ELOA2: variants seen among roughly 807,000 people sequenced by gnomAD.
ELOA2 encodes elongin-A2.
For missense variants in ELOA2, 1,271 were observed against 979.7 expected, an observed-to-expected ratio of 1.30 and a Z score of -3.97; for synonymous variants, 497 against 398.8, an observed-to-expected ratio of 1.25 and a Z score of -2.94.
chr18:47,034,217 TC>T, the ELOA2 span: 1 of 1,613,756 alleles, frequency 6.2e-7, no homozygotes. Context: ...GTCGGTGGCT[TC>T]CCCTCTTGAG....
chr18:47,034,589 C>G lies in ELOA2; in HGVS notation c.676G>C (p.Gly226Arg). Reference sequence around the variant, plus strand: ...TTTTCCTGGCGAGACGATTTGTGCCCCTTGCTGTGGCTCACAACGGCTTTC... The same window carrying G: ...TTTTCCTGGCGAGACGATTTGTGCCGCTTGCTGTGGCTCACAACGGCTTTC... ...QGKAVVSHSKGHKSSRQEKRP... is the reference protein window; with the variant it reads ...QGKAVVSHSKRHKSSRQEKRP... Residue 226 changes from glycine (G) to arginine (R), a missense_variant, in exon 1 of 1, where the codon GGG becomes CGG. Gly to Arg is a moderately radical substitution (Grantham distance 125, BLOSUM62 -2). Coordinates refer to ENST00000332567, the MANE Select transcript of ELOA2 (RefSeq NM_016427.3). 1 of 1,614,170 alleles carries G rather than the reference C, an allele frequency of 6.2e-7. No homozygotes were observed. Among genetic ancestry groups the G allele is most frequent in the Non-Finnish European group, 8.5e-7 (1 of 1,179,994 alleles).
rs773529308 is a variant in ELOA2, at chr18:47,034,302, G to T, written c.963C>A (p.Asp321Glu). The T allele has an allele frequency of 2.5e-6, 4 of 1,613,258 alleles. No homozygotes were observed. The highest frequency in any genetic ancestry group is 3.4e-6 in the Non-Finnish European group (4 of 1,179,370). The change falls in exon 1 of 1, where the codon GAC becomes GAA. Residue 321 changes from aspartate to glutamate, a missense_variant. Physicochemically the swap from Asp to Glu is conservative, Grantham distance 45 (BLOSUM62 2). Coordinates refer to ENST00000332567, the MANE Select transcript of ELOA2 (RefSeq NM_016427.3). ...GTGTCCCATTTCCTGGGTCCCGGCC[G>T]TCTAGACTGGGCCTCTTCTTGTTCG... is the stretch of plus-strand genomic sequence containing the variant. ...SHSNKKRPSL[D>E]GRDPGNGTHG...
Position 47,034,198 on chromosome 18 carries a change from A to G in ELOA2, c.1067T>C (p.Leu356Ser), listed in dbSNP as rs374300131. 6.2e-7 allele frequency: 1 copy of G among 1,613,926 alleles called. No homozygotes were observed. Among genetic ancestry groups the G allele is most frequent in the African/African-American group, 1.3e-5 (1 of 75,062 alleles). The change falls in exon 1 of 1, where the codon TTG (leucine) becomes TCG (serine). Residue 356 changes from leucine (L) to serine (S), a missense_variant. Transcript: ENST00000332567. ...TQEGKPPTAH[L>S]DRTSVSSLSE... Reference sequence around the variant, plus strand: ...GAGGGAGCTCACGGACGTTCTGTCCAAATGAGCAGTCGGTGGCTTCCCCTC... The same window carrying G: ...GAGGGAGCTCACGGACGTTCTGTCCGAATGAGCAGTCGGTGGCTTCCCCTC...
rs372395366 is a variant in ELOA2, at chr18:47,035,150, T to C, written c.115A>G (p.Met39Val). Residue 39 changes from methionine (M) to valine (V), a missense_variant, in exon 1 of 1, where the codon ATG (methionine) becomes GTG (valine). Physicochemically the swap from Met to Val is conservative, Grantham distance 21. Transcript: ENST00000332567. ...GTCTCCGCCAGGATGTCTGCCGTCA[T>C]GGGCAAGGCGGAGAGTTTCTGCAAA... ...KYLQKLSALPMTADILAETGI... is the reference protein window; with the variant it reads ...KYLQKLSALPVTADILAETGI... 74 of 1,611,866 alleles carry C rather than the reference T, an allele frequency of 4.6e-5. No individual in the cohort carries two copies. The highest frequency in any genetic ancestry group is 6.2e-5 in the Non-Finnish European group (73 of 1,179,812).
chr18:47,035,245 G>C lies in ELOA2; in HGVS notation c.20C>G (p.Thr7Arg), dbSNP rs572647337. ...CTGCAGCTTCTCCACTGCGTGCAGCGTAGTGGACCCTGCCGCCATCTCACC... is the reference window on the plus strand; with the variant it reads ...CTGCAGCTTCTCCACTGCGTGCAGCCTAGTGGACCCTGCCGCCATCTCACC... Reference protein sequence around the residue: MAAGSTTLHAVEKLQVR... With the variant: MAAGSTRLHAVEKLQVR... Residue 7 changes from threonine (T) to arginine (R), a missense_variant, in exon 1 of 1, where the codon ACG becomes AGG. Physicochemically the swap from Thr to Arg is moderately conservative, Grantham distance 71. Coordinates refer to ENST00000332567, the MANE Select transcript of ELOA2 (RefSeq NM_016427.3). The C allele has an allele frequency of 8.7e-6, 14 of 1,612,808 alleles. No homozygotes were observed. The highest frequency in any genetic ancestry group is 7.7e-5 in the South Asian group (7 of 91,012).
In ELOA2 at chr18:47,035,290, T is replaced by C. The variant is rs1217676460; in HGVS notation, c.-26A>G. On this transcript the variant is annotated 5_prime_UTR_variant, in exon 1 of 1. Transcript: ENST00000332567. Reference sequence around the variant, plus strand: ...CTCACCAGAGCTGTGCAGGCGTCGCTGTCCCGGCGGTCGCAGCTCTGTCTT... The same window carrying C: ...CTCACCAGAGCTGTGCAGGCGTCGCCGTCCCGGCGGTCGCAGCTCTGTCTT... 6.2e-7 allele frequency: 1 copy of C among 1,611,874 alleles called. No individual in the cohort carries two copies. The highest frequency in any genetic ancestry group is 1.7e-5 in the Admixed American group (1 of 59,980).
In ELOA2 at chr18:47,033,228, C is replaced by T. The variant is rs2060570078; in HGVS notation, c.2037G>A (p.Ala679=). 1 of 1,613,880 alleles carries T rather than the reference C, an allele frequency of 6.2e-7. No individual in the cohort carries two copies. Among genetic ancestry groups the T allele is most frequent in the Non-Finnish European group, 8.5e-7 (1 of 1,180,012 alleles). The change falls in exon 1 of 1, where the codon GCG becomes GCA. Residue 679 remains alanine, a synonymous_variant. Coordinates refer to ENST00000332567, the MANE Select transcript of ELOA2 (RefSeq NM_016427.3). Reference sequence around the variant, plus strand: ...GGCTGGAGGGAGTGTGGCTGCTTCCCGCGGGCTTGGAGGCTGGCTTGATCT... The same window carrying T: ...GGCTGGAGGGAGTGTGGCTGCTTCCTGCGGGCTTGGAGGCTGGCTTGATCT... The part of the protein sequence containing the change: ...NGEIKPASKP[A]GSSHTPSSQS...
In ELOA2 at chr18:47,033,074, C is replaced by T. The variant is rs145144237; in HGVS notation, c.2191G>A (p.Ala731Thr). Residue 731 changes from alanine to threonine, a missense_variant, in exon 1 of 1, where the codon GCT becomes ACT. Physicochemically the swap from Ala to Thr is moderately conservative, Grantham distance 58 (BLOSUM62 0). Transcript: ENST00000332567. Reference sequence around the variant, plus strand: ...ATCAGCGGGGCCACTTTCTTGGCAGCCTGTTTCCGGGTTTTGGCCGCGGGC... The same window carrying T: ...ATCAGCGGGGCCACTTTCTTGGCAGTCTGTTTCCGGGTTTTGGCCGCGGGC... ...AAPAAKTRKQAAKKVAPLMAK... is the reference protein window; with the variant it reads ...AAPAAKTRKQTAKKVAPLMAK... 14 of 1,614,132 alleles carry T rather than the reference C, an allele frequency of 8.7e-6. No homozygotes were observed. Among genetic ancestry groups the T allele is most frequent in the Non-Finnish European group, 1.2e-5 (14 of 1,180,034 alleles).
Position 47,035,466 on chromosome 18 carries a change from TGAGCAGG to T in ELOA2, c.-209_-203del, listed in dbSNP as rs1341520786. The T allele has an allele frequency of 1.0e-4, 114 of 1,125,922 alleles. 1 individual carries two copies. The African/African-American group carries it at 1.3e-3, about 13-fold the overall frequency. The allele number at this position is 1,125,922 out of a possible 1,614,324, so 69.7% of individuals were successfully genotyped here. A position where few individuals can be genotyped will look rare whatever the true frequency, so the allele number is the denominator to read the frequency against. ...TGGAACGGCCGTCCTTGCAGACAGC[TGAGCAGG>T]CCCGCTTTTGTTCCTCGGGATGTGG... On this transcript the variant is annotated 5_prime_UTR_variant, in exon 1 of 1. The change abolishes the stop of an existing upstream ORF in the 5' untranslated region. Transcript: ENST00000332567.
At position 47,035,279 on chromosome 18, in the gene ELOA2, G is replaced by A. The variant is rs1001901417; in HGVS notation, c.-15C>T. The A allele has an allele frequency of 6.2e-7, 1 of 1,612,410 alleles. No homozygotes were observed. The highest frequency in any genetic ancestry group is 2.2e-5 in the East Asian group (1 of 44,872). Reference sequence around the variant, plus strand: ...CCTGCCGCCATCTCACCAGAGCTGTGCAGGCGTCGCTGTCCCGGCGGTCGC... The same window carrying A: ...CCTGCCGCCATCTCACCAGAGCTGTACAGGCGTCGCTGTCCCGGCGGTCGC... On this transcript the variant is annotated 5_prime_UTR_variant, in exon 1 of 1. Transcript: ENST00000332567.
In ELOA2 at chr18:47,035,185, A is replaced by G. The variant is rs1422576297; in HGVS notation, c.80T>C (p.Leu27Pro). ...GGAGAGTTTCTGCAAATATTTCTCT[A>G]GCTTTTTCGGCTCCGTCTTAGTGGC... ...RLATKTEPKKLEKYLQKLSAL... is the reference protein window; with the variant it reads ...RLATKTEPKKPEKYLQKLSAL... Residue 27 changes from leucine to proline, a missense_variant, in exon 1 of 1, where the codon CTA becomes CCA. Physicochemically the swap from Leu to Pro is moderately conservative, Grantham distance 98. Coordinates refer to ENST00000332567, the MANE Select transcript of ELOA2 (RefSeq NM_016427.3). 1.2e-6 allele frequency: 2 copies of G among 1,612,188 alleles called. No homozygotes were observed. The highest frequency in any genetic ancestry group is 1.7e-6 in the Non-Finnish European group (2 of 1,179,848).
In ELOA2 at chr18:47,033,995, A is replaced by T; in HGVS notation, c.1270T>A (p.Trp424Arg). The stretch of plus-strand genomic sequence containing the variant: ...GGAGGCAATTTCTTAGCCGAATCCC[A>T]GGACTCACGAGTGCCCTTGGATTCG... ...ANESKGTRESWDSAKKLPPVQ... is the reference protein window; with the variant it reads ...ANESKGTRESRDSAKKLPPVQ... The change falls in exon 1 of 1, where the codon TGG (tryptophan) becomes AGG (arginine). Residue 424 changes from tryptophan (W) to arginine (R), a missense_variant. By Grantham distance (101) the Trp-to-Arg change is moderately radical. Transcript: ENST00000332567. The T allele has an allele frequency of 6.2e-7, 1 of 1,613,874 alleles. No individual in the cohort carries two copies.
rs749992275 is a variant in ELOA2 at position 47,034,794 on chromosome 18, G to A, written c.471C>T (p.Cys157=). 4 of 1,612,414 alleles carry A rather than the reference G, an allele frequency of 2.5e-6. No individual in the cohort carries two copies. The highest frequency in any genetic ancestry group is 2.0e-4 in the Middle Eastern group (1 of 4,916). The part of the protein sequence containing the change: ...HSREPRAERK[C]PRIAPADSGR... ...CGGAATCAGCTGGGGCTATTCTGGGGCACTTTCTCTCAGCTCTGGGCTCGC... is the reference window on the plus strand; with the variant it reads ...CGGAATCAGCTGGGGCTATTCTGGGACACTTTCTCTCAGCTCTGGGCTCGC... Residue 157 remains cysteine (C), a synonymous_variant, in exon 1 of 1, where the codon TGC becomes TGT. Coordinates refer to ENST00000332567, the MANE Select transcript of ELOA2 (RefSeq NM_016427.3).
In ELOA2 at chr18:47,033,982, T is replaced by G. The variant is rs755483790; in HGVS notation, c.1283A>C (p.Lys428Thr). 14 of 1,613,616 alleles carry G rather than the reference T, an allele frequency of 8.7e-6. No individual in the cohort carries two copies. The highest frequency in any genetic ancestry group is 1.2e-5 in the Non-Finnish European group (14 of 1,180,034). Residue 428 changes from lysine (K) to threonine (T), a missense_variant, in exon 1 of 1, where the codon AAG (lysine) becomes ACG (threonine). Coordinates refer to ENST00000332567, the MANE Select transcript of ELOA2 (RefSeq NM_016427.3). Reference protein sequence around the residue: ...KGTRESWDSAKKLPPVQESQS... With the variant: ...KGTRESWDSATKLPPVQESQS... The stretch of plus-strand genomic sequence containing the variant: ...GCTTTCCTGGACAGGAGGCAATTTC[T>G]TAGCCGAATCCCAGGACTCACGAGT...
In ELOA2 at chr18:47,032,757, A is replaced by G. The variant is rs1396479350; in HGVS notation, c.*246T>C. ...TTTAAAAATTATCAGTGAACATCCA[A>G]AATAGAATTGTTCCCAATGCGTTCA... On this transcript the variant is annotated 3_prime_UTR_variant, in exon 1 of 1. Transcript: ENST00000332567. 4.6e-6 allele frequency: 3 copies of G among 653,188 alleles called. No homozygotes were observed. In the African/African-American group the frequency reaches 5.5e-5, roughly 12 times the overall value. The allele number at this position is 653,188 out of a possible 1,614,324, so 40.5% of individuals were successfully genotyped here.
rs142263566 is a variant in ELOA2 at position 47,034,765 on chromosome 18, C to G, written c.500G>C (p.Arg167Pro). The G allele has an allele frequency of 1.3e-3, 2,119 of 1,605,842 alleles. 58 individuals are homozygous for G. The highest frequency in any genetic ancestry group is 1.7e-3 in the Non-Finnish European group (1,980 of 1,174,226). ...TGTGCGCGTTGGAGAGGCCCGATAG[C>G]GGCCGGAATCAGCTGGGGCTATTCT... is the stretch of plus-strand genomic sequence containing the variant. ...CPRIAPADSGRYRASPTRTAP... is the reference protein window; with the variant it reads ...CPRIAPADSGPYRASPTRTAP... The change falls in exon 1 of 1, where the codon CGC becomes CCC. Residue 167 changes from arginine (R) to proline (P), a missense_variant. Arg to Pro is a moderately radical substitution (Grantham distance 103). Coordinates refer to ENST00000332567, the MANE Select transcript of ELOA2 (RefSeq NM_016427.3).
Position 47,035,244 on chromosome 18 carries a change from C to A in ELOA2, c.21G>T (p.Thr7=), listed in dbSNP as rs369463598. The change falls in exon 1 of 1, where the codon ACG becomes ACT. Residue 7 remains threonine (T), a synonymous_variant. Coordinates refer to ENST00000332567, the MANE Select transcript of ELOA2 (RefSeq NM_016427.3). ...CCTGCAGCTTCTCCACTGCGTGCAGCGTAGTGGACCCTGCCGCCATCTCAC... is the reference window on the plus strand; with the variant it reads ...CCTGCAGCTTCTCCACTGCGTGCAGAGTAGTGGACCCTGCCGCCATCTCAC... The part of the protein sequence containing the change: MAAGST[T]LHAVEKLQVR... 2 of 1,612,802 alleles carry A rather than the reference C, an allele frequency of 1.2e-6. No homozygotes were observed. Among genetic ancestry groups the A allele is most frequent in the South Asian group, 2.2e-5 (2 of 91,012 alleles).
rs780717375 is a variant in ELOA2, at chr18:47,034,129, G to A, written c.1136C>T (p.Pro379Leu). The change falls in exon 1 of 1, where the codon CCC (proline) becomes CTC (leucine). Residue 379 changes from proline (P) to leucine (L), a missense_variant. Physicochemically the swap from Pro to Leu is moderately conservative, Grantham distance 98. Transcript: ENST00000332567. ...EVDMAEEFEQPTLSCEKYLTY... is the reference protein window; with the variant it reads ...EVDMAEEFEQLTLSCEKYLTY... ...GAGGTATTTTTCACATGACAGAGTG[G>A]GCTGCTCGAATTCCTCAGCCATATC... 68 of 1,614,056 alleles carry A rather than the reference G, an allele frequency of 4.2e-5. No homozygotes were observed. The highest frequency in any genetic ancestry group is 5.7e-5 in the Non-Finnish European group (67 of 1,180,034).
In ELOA2 at chr18:47,034,609, G is replaced by C. The variant is rs1238906866; in HGVS notation, c.656C>G (p.Ala219Gly). The stretch of plus-strand genomic sequence containing the variant: ...GTGCCCCTTGCTGTGGCTCACAACG[G>C]CTTTCCCCTGGGGTTGGCCCTGGCA... ...PGCQGQPQGK[A>G]VVSHSKGHKS... Residue 219 changes from alanine to glycine, a missense_variant, in exon 1 of 1, where the codon GCC becomes GGC. By Grantham distance (60) the Ala-to-Gly change is moderately conservative (BLOSUM62 0). Coordinates refer to ENST00000332567, the MANE Select transcript of ELOA2 (RefSeq NM_016427.3). 5.0e-6 allele frequency: 8 copies of C among 1,614,036 alleles called. No homozygotes were observed. Among genetic ancestry groups the C allele is most frequent in the Non-Finnish European group, 6.8e-6 (8 of 1,179,992 alleles).
Sources: allele counts gnomAD v4.1 joint callset, GRCh38; gene constraint gnomAD v4.1.1; transcripts MANE v1.5; gene names NCBI Gene and HGNC (gene_info 2026-07-23, HGNC 2026-07-21).